The following PTPRK variants were observed in gnomAD, a reference collection of about 807,000 sequenced individuals.
PTPRK encodes the protein protein tyrosine phosphatase receptor type K.
A neutral mutation model predicts 178.0 loss-of-function variants in PTPRK; 75 were observed. That is an observed-to-expected ratio of 0.42 (90% CI 0.35 to 0.51). The LOEUF (loss-of-function observed/expected upper bound fraction) is 0.51. PTPRK is among the 20% of genes least tolerant of loss of function. The pLI is 0.02. For synonymous variants in PTPRK, 637 were observed against 620.6 expected (o/e 1.03, Z -0.39); for missense variants, 1,441 against 1,797.8 (o/e 0.80, Z 3.59).
chr6:128,481,553 A>C (rs1416419027), intron 1 of PTPRK, among the ~76,000 whole-genome samples: 1 of 152,092 alleles, frequency 6.6e-6, no homozygotes, highest in South Asian at 2.1e-4. Context: ...GTGATACTGT[A>C]ACATTGTATT....
At chr6:128,181,790 G>A (rs1019662941) in intron 7 of PTPRK, among the ~76,000 whole-genome samples, 1 of 152,022 alleles carries the variant, frequency 6.6e-6, no homozygotes, top group South Asian at 2.1e-4. Context: ...TTAAAGAAGG[G>A]AAGTGGATGA....
chr6:128,224,168 T>G (rs1352946125), intron 5 of PTPRK, among the ~76,000 whole-genome samples: 2 of 152,170 alleles, frequency 1.3e-5, no homozygotes, highest in Non-Finnish European at 2.9e-5. Flanking sequence ...ATCACACAAA[T>G]ATATGATCCA....
chr6:128,027,419 CAA>C (rs1774493915), intron 13 of PTPRK, among the ~76,000 whole-genome samples: 1 of 152,054 alleles, frequency 6.6e-6, no homozygotes, highest in Admixed American at 6.6e-5. Flanking sequence ...TACCCACATT[CAA>C]AGAGTTCAAA....
At chr6:128,486,820 AGAAG>A (rs555080760) in intron 1 of PTPRK, among the ~76,000 whole-genome samples, 35 of 149,446 alleles carry the variant, frequency 2.3e-4, no homozygotes, top group African/African-American at 6.0e-4. Flanking sequence ...AAGGAAGGAA[AGAAG>A]GAAGGAAGGA....
chr6:128,110,200 A>C (rs1166394768), intron 7 of PTPRK, among the ~76,000 whole-genome samples: 2 of 152,194 alleles, frequency 1.3e-5, no homozygotes, highest in African/African-American at 4.8e-5. Context: ...CTAGGATTAC[A>C]GGTGTGAGCC....
chr6:128,366,514 A>G (rs144586519), intron 2 of PTPRK, among the ~76,000 whole-genome samples: 2 of 152,246 alleles, frequency 1.3e-5, no homozygotes, highest in East Asian at 3.9e-4. Context: ...TACTGGACTA[A>G]AGGGGTTACA....
At chr6:128,172,677 T>C (rs999715579) in intron 7 of PTPRK, among the ~76,000 whole-genome samples, 2 of 151,740 alleles carry the variant, frequency 1.3e-5, no homozygotes. Context: ...ACTATAGATA[T>C]ATGCATATCA....
At chr6:128,331,645 T>C (rs1191320451) in intron 2 of PTPRK, among the ~76,000 whole-genome samples, 1 of 152,220 alleles carries the variant, frequency 6.6e-6, no homozygotes, top group Admixed American at 6.5e-5. Context: ...CTTCTTAAGA[T>C]GGATGCTTCT....
chr6:128,053,964 T>C (rs867001689), intron 13 of PTPRK, among the ~76,000 whole-genome samples: 1 of 152,234 alleles, frequency 6.6e-6, no homozygotes, highest in Non-Finnish European at 1.5e-5. Flanking sequence ...ACTATTTAAC[T>C]GCATCAATCT....
chr6:128,471,874 C>T (rs1850714598), intron 1 of PTPRK, among the ~76,000 whole-genome samples: 2 of 151,788 alleles, frequency 1.3e-5, no homozygotes, highest in South Asian at 4.2e-4. Flanking sequence ...TTTAATTGAG[C>T]TAATGTATAA....
chr6:128,417,564 T>C (rs1323623930), intron 1 of PTPRK, among the ~76,000 whole-genome samples: 5 of 152,230 alleles, frequency 3.3e-5, no homozygotes, highest in East Asian at 1.9e-4. Context: ...ACTAATGTGT[T>C]TGCATATCAT....
chr6:128,195,640 A>G (rs1256877231), intron 6 of PTPRK, among the ~76,000 whole-genome samples: 1 of 152,148 alleles, frequency 6.6e-6, no homozygotes, highest in Non-Finnish European at 1.5e-5. Flanking sequence ...TTGTGATGAC[A>G]TAGTAAAACT....
At chr6:128,213,393 G>A (rs1005500234) in intron 6 of PTPRK, among the ~76,000 whole-genome samples, 2 of 152,004 alleles carry the variant, frequency 1.3e-5, no homozygotes, top group African/African-American at 4.8e-5. Flanking sequence ...TCCACTGGCT[G>A]CATGGGCTTT....
intron 13 of PTPRK, among the ~76,000 whole-genome samples, chr6:128,030,767 T>C (rs1413035154): frequency 6.6e-6 from 1 of 152,090 alleles, no homozygotes; most frequent in Admixed American, 6.5e-5. Flanking sequence ...TTCCCCCAAG[T>C]CAGAAATCAA....
intron 6 of PTPRK, among the ~76,000 whole-genome samples, chr6:128,196,519 C>T (rs1041528112): frequency 1.3e-5 from 2 of 152,172 alleles, no homozygotes; most frequent in Non-Finnish European, 2.9e-5. Flanking sequence ...AACACACTCA[C>T]TTTCACACCT....
chr6:128,378,533 T>C (rs957675191), intron 2 of PTPRK, among the ~76,000 whole-genome samples: 2 of 152,014 alleles, frequency 1.3e-5, no homozygotes, highest in Admixed American at 1.3e-4. Flanking sequence ...TTCATATACA[T>C]GTACAAATGT....
chr6:127,977,243 G>A (rs1286754184), intron 25 of PTPRK, among the ~76,000 whole-genome samples, 189 bp from the exon 26 acceptor site: 2 of 152,194 alleles, frequency 1.3e-5, no homozygotes, highest in East Asian at 1.9e-4. Context: ...AATTAGTACA[G>A]TAATGAATCA....
chr6:128,008,593 T>C (rs1047597079), intron 14 of PTPRK, among the ~76,000 whole-genome samples: 2 of 151,134 alleles, frequency 1.3e-5, no homozygotes, highest in Non-Finnish European at 3.0e-5. Context: ...GTGATATTAG[T>C]TGATATAGTA....
intron 3 of PTPRK, among the ~76,000 whole-genome samples, chr6:128,276,589 G>C (rs1820759832): frequency 6.6e-6 from 1 of 152,090 alleles, no homozygotes. Flanking sequence ...TAAGCTTTCT[G>C]GCAATAAATG....
Sources: allele counts gnomAD v4.1 joint callset (sites outside exome capture counted in the v4.1 genomes callset), GRCh38; gene constraint gnomAD v4.1.1; transcripts MANE v1.5; gene names NCBI Gene and HGNC (gene_info 2026-07-23, HGNC 2026-07-21).